The following SGK3 variants were observed in gnomAD, a reference collection of about 807,000 sequenced individuals.
SGK3 encodes the protein serine/threonine-protein kinase Sgk3.
SGK3 carries 47 observed loss-of-function variants against 68.5 expected under a neutral mutation model. That is an observed-to-expected ratio of 0.69 (90% confidence interval 0.54 to 0.87). SGK3 has a LOEUF of 0.87. Ranked by LOEUF, SGK3 falls within the 40% of genes least tolerant of loss-of-function variation. The pLI, the probability that SGK3 is intolerant of heterozygous loss-of-function variation, is 0.00. For missense variants in SGK3, 479 were observed against 575.5 expected (o/e 0.83, Z 1.72); for synonymous variants, 181 against 189.1 (o/e 0.96, Z 0.35).
intron 1 of SGK3, among the ~76,000 whole-genome samples, chr8:66,742,012 G>A (rs1299408004): frequency 1.3e-5 from 2 of 152,226 alleles, no homozygotes; most frequent in Non-Finnish European, 2.9e-5. Context: ...GTGACGTCTA[G>A]TTTGATGTCA....
At position 66,835,853 on chromosome 8, in the gene SGK3, T is replaced by G; in HGVS notation, c.609+7T>G. ...AGTTCTCAACAGAAAAGAGGTAAAATAAAATAGTTGTTTCTCTCAAGCCCA... is the reference window on the plus strand; with the variant it reads ...AGTTCTCAACAGAAAAGAGGTAAAAGAAAATAGTTGTTTCTCTCAAGCCCA... On this transcript the variant is annotated splice_region_variant and intron_variant, in intron 9 of 16. Transcript: ENST00000521198. The G allele has an allele frequency of 6.2e-7, 1 of 1,609,954 alleles. No individual in the cohort carries two copies. Among genetic ancestry groups the G allele is most frequent in the Non-Finnish European group, 8.5e-7 (1 of 1,179,026 alleles).
chr8:66,746,761 A>G (rs898609479), intron 1 of SGK3, among the ~76,000 whole-genome samples: 1 of 151,574 alleles, frequency 6.6e-6, no homozygotes, highest in African/African-American at 2.4e-5. Flanking sequence ...AGGTCTCGCT[A>G]TGTTGCCCAG....
chr8:66,760,704 C>A (rs1806141300), intron 1 of SGK3, among the ~76,000 whole-genome samples: 1 of 152,134 alleles, frequency 6.6e-6, no homozygotes, highest in Admixed American at 6.6e-5. Flanking sequence ...TGTCCGTCAT[C>A]ATTTCAAGTA....
chr8:66,732,326 A>G (rs1157743496), intron 1 of SGK3, among the ~76,000 whole-genome samples: 1 of 152,092 alleles, frequency 6.6e-6, no homozygotes, highest in African/African-American at 2.4e-5. Context: ...AAAATGATAT[A>G]ATTTAACTTT....
At chr8:66,768,460 AC>A (rs1431613894) in intron 1 of SGK3, among the ~76,000 whole-genome samples, 1 of 151,224 alleles carries the variant, frequency 6.6e-6, no homozygotes, top group Non-Finnish European at 1.5e-5. Flanking sequence ...ATATAGCTTT[AC>A]ATATCTTTGA....
In SGK3 at chr8:66,840,080, A is replaced by G. The variant is rs1563655044; in HGVS notation, c.819A>G (p.Ala273=). 2 of 1,613,844 alleles carry G rather than the reference A, an allele frequency of 1.2e-6. No individual in the cohort carries two copies. Among genetic ancestry groups the G allele is most frequent in the Non-Finnish European group, 1.7e-6 (2 of 1,179,990 alleles). ...ARFYAAEIAS[A]LGYLHSIKIV... ...TTTACGCTGCTGAAATTGCTAGTGC[A>G]TTGGGTTACTTACATTCCATCAAAA... The change falls in exon 11 of 17, where the codon GCA becomes GCG. Residue 273 remains alanine, a synonymous_variant. Transcript: ENST00000521198.
chr8:66,860,897 C>T lies in SGK3; in HGVS notation c.*1316C>T, dbSNP rs1465888337. 1 of 151,028 alleles carries T rather than the reference C, an allele frequency of 6.6e-6. No homozygotes were observed. Among genetic ancestry groups the T allele is most frequent in the Non-Finnish European group, 1.5e-5 (1 of 67,744 alleles). 9.4% of individuals were successfully genotyped at this position (151,028 alleles called of 1,614,324 possible). Reference sequence around the variant, plus strand: ...AAGCACCCTGGGAGGCCGAGGCAGGCAGATTATTTGAGCTCAGGAGTTTGA... The same window carrying T: ...AAGCACCCTGGGAGGCCGAGGCAGGTAGATTATTTGAGCTCAGGAGTTTGA... On this transcript the variant is annotated 3_prime_UTR_variant, in exon 17 of 17. Coordinates refer to ENST00000521198, the MANE Select transcript of SGK3 (RefSeq NM_001033578.3).
chr8:66,781,531 C>G (rs976379933), intron 1 of SGK3, among the ~76,000 whole-genome samples: 11 of 152,090 alleles, frequency 7.2e-5, no homozygotes, highest in Non-Finnish European at 1.6e-4. Context: ...GCAGTTTTAT[C>G]CCAGTGTGGA....
intron 1 of SGK3, among the ~76,000 whole-genome samples, chr8:66,774,398 A>G (rs1806614405): frequency 6.6e-6 from 1 of 152,086 alleles, no homozygotes; most frequent in African/African-American, 2.4e-5. Context: ...CCTGGGCTCA[A>G]GTGATCTTCC....
intron 1 of SGK3, among the ~76,000 whole-genome samples, chr8:66,725,442 G>A (rs575273303): frequency 6.6e-6 from 1 of 151,254 alleles, no homozygotes; most frequent in Non-Finnish European, 1.5e-5. Context: ...TGGGGTAGGG[G>A]ATGAGAACTG....
At chr8:66,787,412 T>C (rs1243780156) in intron 1 of SGK3, among the ~76,000 whole-genome samples, 1 of 152,262 alleles carries the variant, frequency 6.6e-6, no homozygotes, top group Non-Finnish European at 1.5e-5. Flanking sequence ...AGCAACCATA[T>C]GAAGTCAGTC....
intron 10 of SGK3, among the ~76,000 whole-genome samples, chr8:66,836,592 G>T (rs1263118664): frequency 6.6e-6 from 1 of 150,376 alleles, no homozygotes; most frequent in Non-Finnish European, 1.5e-5. Flanking sequence ...AGTAAGCTAT[G>T]ATTGCACTGC....
intron 14 of SGK3, 39 bp downstream of exon 14, chr8:66,843,586 A>G (rs998226923): frequency 1.3e-6 from 2 of 1,574,244 alleles, no homozygotes; most frequent in African/African-American, 2.7e-5. Flanking sequence ...ATGTATTATC[A>G]TTGATTTGAT....
chr8:66,749,337 C>T (rs1459611916), intron 1 of SGK3, among the ~76,000 whole-genome samples: 1 of 152,048 alleles, frequency 6.6e-6, no homozygotes, highest in East Asian at 1.9e-4. Context: ...AATGGTGAAA[C>T]TCCATCTCTA....
chr8:66,749,144 A>G (rs1195366276), intron 1 of SGK3, among the ~76,000 whole-genome samples: 1 of 152,318 alleles, frequency 6.6e-6, no homozygotes, highest in South Asian at 2.1e-4. Flanking sequence ...GGATGGACCC[A>G]TATTGTATTA....
At chr8:66,760,006 A>G (rs538527056) in intron 1 of SGK3, among the ~76,000 whole-genome samples, 3 of 152,256 alleles carry the variant, frequency 2.0e-5, no homozygotes, top group Admixed American at 6.5e-5. Flanking sequence ...AACCGCTTAC[A>G]TTTTGAGTGG....
chr8:66,726,801 T>TAAAAAAAAAAAAAAAAAAAAAAAAAAA lies in SGK3; in HGVS notation c.-122+13990_-122+13991insAAAAAAAAAAAAAAAAAAAAAAAAAAA, dbSNP rs560794837. ...GAATGACAGAGCAAGACCCTGTCTG[T>TAAAAAAAAAAAAAAAAAAAAAAAAAAA]AAAAAAAAAAAAAAAAAAAAAAGAT... On this transcript the variant is annotated intron_variant, in intron 1 of 16. Transcript: ENST00000521198. Among the ~76,000 whole-genome samples the TAAAAAAAAAAAAAAAAAAAAAAAAAAA allele has an allele frequency of 3.8e-4, 31 of 80,964 alleles. 1 individual carries two copies. The highest frequency in any genetic ancestry group is 6.0e-4 in the East Asian group (2 of 3,334). 53.1% of individuals were successfully genotyped at this position (80,964 alleles called of 152,430 possible). A position where few individuals can be genotyped will look rare whatever the true frequency, so the allele number is the denominator to read the frequency against.
chr8:66,723,120 TATATATA>T lies in SGK3; in HGVS notation c.-122+10288_-122+10294del, dbSNP rs1563595290. 6.7e-4 allele frequency among the ~76,000 whole-genome samples: 37 copies of T among 55,564 alleles called. 1 individual carries two copies. Among genetic ancestry groups the T allele is most frequent in the African/African-American group, 2.5e-3 (32 of 12,582 alleles). The allele number at this position is 55,564 out of a possible 152,430, so 36.5% of individuals were successfully genotyped here. On this transcript the variant is annotated intron_variant, in intron 1 of 16. Transcript: ENST00000521198. ...ATATATATATATATATATATATATA[TATATATA>T]TATATTTTTTTTTTTTTTTTTTTTT...
At chr8:66,714,841 C>T (rs1804587361) in intron 1 of SGK3, among the ~76,000 whole-genome samples, 1 of 152,120 alleles carries the variant, frequency 6.6e-6, no homozygotes, top group South Asian at 2.1e-4. Context: ...GTGCTTTAGC[C>T]TGGATTGCAC....
Sources: allele counts gnomAD v4.1 joint callset (sites outside exome capture counted in the v4.1 genomes callset), GRCh38; gene constraint gnomAD v4.1.1; transcripts MANE v1.5; gene names NCBI Gene and HGNC (gene_info 2026-07-23, HGNC 2026-07-21).